EVC2: variants seen among roughly 807,000 people sequenced by gnomAD.
The protein encoded by EVC2 is EvC ciliary complex subunit 2, also known as limbin.
EVC2 carries 148 observed loss-of-function variants against 149.3 expected under a neutral mutation model. That is an observed-to-expected ratio of 0.99 (90% CI 0.87 to 1.14). The LOEUF is 1.14. EVC2 is among the 50% of genes most tolerant of loss of function. The probability of loss-of-function intolerance (pLI) is 0.00; values close to 1 mark genes in which losing one functional copy is unlikely to be tolerated. For synonymous variants in EVC2, 776 were observed against 649.9 expected (o/e 1.19, Z -2.95); for missense variants, 1,854 against 1,627.3 (o/e 1.14, Z -2.40).
chr4:5,696,980 T>C lies in EVC2; in HGVS notation c.283+613A>G, dbSNP rs745721629. ...CCCTAAATGTCATCACAGATGTCCT[T>C]ATAAGAGGGAGACAGAGATTTGACA... On this transcript the variant is annotated intron_variant, in intron 2 of 21. Transcript: ENST00000344408. This position sits in a 1 kb window ranked among gnomAD's most constrained non-coding sequence, Gnocchi z 4.1. 2.6e-4 allele frequency among the ~76,000 whole-genome samples: 39 copies of C among 152,174 alleles called. No homozygotes were observed. The highest frequency in any genetic ancestry group is 2.0e-3 in the Admixed American group (30 of 15,278).
At chr4:5,593,326 G>T (rs529937571) in intron 16 of EVC2, among the ~76,000 whole-genome samples, 2 of 152,202 alleles carry the variant, frequency 1.3e-5, no homozygotes, top group African/African-American at 4.8e-5. Flanking sequence ...TCAAGTGTGC[G>T]TTACTTCCTT....
At chr4:5,638,702 AT>A (rs1717077519) in intron 10 of EVC2, among the ~76,000 whole-genome samples, 1 of 152,184 alleles carries the variant, frequency 6.6e-6, no homozygotes, top group South Asian at 2.1e-4. Context: ...TTATGAGATC[AT>A]CCTGGATTAT....
At position 5,665,530 on chromosome 4, in the gene EVC2, C is replaced by T. The variant is rs1308329086; in HGVS notation, c.990G>A (p.Met330Ile). The change falls in exon 8 of 22, where the codon ATG becomes ATA. Residue 330 changes from methionine to isoleucine, a missense_variant. Met to Ile is a conservative substitution (Grantham distance 10). Transcript: ENST00000344408. ...GAAGACTCACCCGATGTCTGGTGAGCATGTTTCCCTTCAGACACTGATAGC... is the reference window on the plus strand; with the variant it reads ...GAAGACTCACCCGATGTCTGGTGAGTATGTTTCCCTTCAGACACTGATAGC... ...MVRYQCLKGN[M>I]LTRHRVWQYE... 6.2e-7 allele frequency: 1 copy of T among 1,614,144 alleles called. No individual in the cohort carries two copies. Among genetic ancestry groups the T allele is most frequent in the Non-Finnish European group, 8.5e-7 (1 of 1,180,018 alleles).
At chr4:5,555,807 G>C (rs1275679910) in intron 21 of EVC2, among the ~76,000 whole-genome samples, 1 of 152,148 alleles carries the variant, frequency 6.6e-6, no homozygotes, top group Non-Finnish European at 1.5e-5. Flanking sequence ...AACAGTTACA[G>C]AATAATCTCT....
intron 7 of EVC2, among the ~76,000 whole-genome samples, chr4:5,674,685 G>A (rs1050407363): frequency 2.6e-5 from 4 of 152,186 alleles, no homozygotes; most frequent in African/African-American, 4.8e-5. Flanking sequence ...AAACCAGAGC[G>A]TAATGGAAAA....
rs114371606 is a variant in EVC2 at position 5,642,540 on chromosome 4, T to C, written c.1146-1702A>G. Among the ~76,000 whole-genome samples, 1,346 of 152,350 alleles carry C rather than the reference T, an allele frequency of 8.8e-3. 12 individuals are homozygous for C. Among genetic ancestry groups the C allele is most frequent in the South Asian group, 0.013 (63 of 4,830 alleles). ...TGGATTACTTGCAAATTACAAAATCTAAAACAATCCTGAAGTGAATCACTT... is the reference window on the plus strand; with the variant it reads ...TGGATTACTTGCAAATTACAAAATCCAAAACAATCCTGAAGTGAATCACTT... On this transcript the variant is annotated intron_variant, in intron 9 of 21. Transcript: ENST00000344408.
intron 9 of EVC2, among the ~76,000 whole-genome samples, chr4:5,662,506 T>G (rs1476653076): frequency 7.0e-6 from 1 of 142,818 alleles, no homozygotes; most frequent in African/African-American, 2.5e-5. Flanking sequence ...TTAAATATAT[T>G]AAATATAATA....
chr4:5,594,096 G>C (rs2108800661), intron 16 of EVC2, among the ~76,000 whole-genome samples: 1 of 152,292 alleles, frequency 6.6e-6, no homozygotes, highest in South Asian at 2.1e-4. Context: ...GCCCACCACA[G>C]CTCAAGCAGG....
downstream of EVC2, among the ~76,000 whole-genome samples, chr4:5,561,044 G>A (rs1440326139): frequency 1.3e-5 from 2 of 152,178 alleles, no homozygotes; most frequent in East Asian, 1.9e-4. Flanking sequence ...GGCACCTCCT[G>A]CTGTTGCTAA....
intron 21 of EVC2, among the ~76,000 whole-genome samples, chr4:5,546,019 A>G (rs1721609767): frequency 6.6e-6 from 1 of 152,184 alleles, no homozygotes; most frequent in Non-Finnish European, 1.5e-5. Flanking sequence ...ATGAGATACC[A>G]TCTCACACCA....
chr4:5,609,828 T>A (rs1195119393), intron 16 of EVC2, among the ~76,000 whole-genome samples: 1 of 152,216 alleles, frequency 6.6e-6, no homozygotes, highest in Non-Finnish European at 1.5e-5. Context: ...GAGCTTCTGC[T>A]TCCCGTGCTG....
At position 5,694,492 on chromosome 4, in the gene EVC2, G is replaced by T. The variant is rs765453270; in HGVS notation, c.293C>A (p.Pro98Gln). The T allele has an allele frequency of 6.2e-7, 1 of 1,614,160 alleles. No homozygotes were observed. The highest frequency in any genetic ancestry group is 2.2e-5 in the East Asian group (1 of 44,882). ...CCHFKTAVEA[P>Q]LGMKLDKKME... Reference sequence around the variant, plus strand: ...TTTCTTGTCCAATTTCATTCCAAGTGGTGCTTCCACTGCAAAACAACAACA... The same window carrying T: ...TTTCTTGTCCAATTTCATTCCAAGTTGTGCTTCCACTGCAAAACAACAACA... The change falls in exon 3 of 22, where the codon CCA becomes CAA. Residue 98 changes from proline to glutamine, a missense_variant. Transcript: ENST00000344408.
chr4:5,595,036 C>T (rs907207206), intron 16 of EVC2, among the ~76,000 whole-genome samples: 51 of 152,166 alleles, frequency 3.4e-4, no homozygotes, highest in African/African-American at 9.9e-4. Context: ...TAAAAAGAAA[C>T]GAACAAAGCC....
the EVC2 span, among the ~76,000 whole-genome samples, chr4:5,536,646 T>A: frequency 3.3e-5 from 5 of 152,026 alleles, no homozygotes; most frequent in Admixed American, 1.3e-4. Flanking sequence ...TAGCTGGGCA[T>A]GGTGGCGGGC....
chr4:5,622,556 A>G lies in EVC2; in HGVS notation c.2482T>C (p.Trp828Arg). 1 of 1,613,954 alleles carries G rather than the reference A, an allele frequency of 6.2e-7. No homozygotes were observed. ...ACTCACATGAAGATCAGGTGCTCCC[A>G]GCGTCGCAGCTCTGCCTGCTCCTCT... ...VTEEQAELRR[W>R]EHLIFMKLCS... The change falls in exon 14 of 22, where the codon TGG becomes CGG. Residue 828 changes from tryptophan (W) to arginine (R), a missense_variant. Transcript: ENST00000344408. This position sits in a 1 kb window ranked among gnomAD's most constrained non-coding sequence, Gnocchi z 5.8.
intron 3 of EVC2, among the ~76,000 whole-genome samples, chr4:5,692,415 T>C (rs929408429): frequency 6.6e-6 from 1 of 152,154 alleles, no homozygotes; most frequent in African/African-American, 2.4e-5. Flanking sequence ...TCCCATTTTA[T>C]AGATGAGGAA....
At chr4:5,690,073 A>G (rs1490461261) in intron 4 of EVC2, among the ~76,000 whole-genome samples, 1 of 152,262 alleles carries the variant, frequency 6.6e-6, no homozygotes, top group African/African-American at 2.4e-5. Context: ...TGTGTGTAAT[A>G]TACTGCCACC....
Position 5,618,714 on chromosome 4 carries a change from A to G in EVC2, c.2502-32T>C. ...GGAAGAACAGAGACACACTCTTAACACAGAGAAAGCCTGGGGGCTGGGCTG... is the reference window on the plus strand; with the variant it reads ...GGAAGAACAGAGACACACTCTTAACGCAGAGAAAGCCTGGGGGCTGGGCTG... On this transcript the variant is annotated intron_variant, in intron 14 of 21. Transcript: ENST00000344408. This position sits in a 1 kb window ranked among gnomAD's most constrained non-coding sequence, Gnocchi z 4.4. 1.3e-6 allele frequency: 2 copies of G among 1,556,442 alleles called. No homozygotes were observed. Among genetic ancestry groups the G allele is most frequent in the Non-Finnish European group, 1.7e-6 (2 of 1,147,820 alleles).
rs1191337916 is a variant in EVC2, at chr4:5,569,444, T to G, written c.3361-804A>C. Among the ~76,000 whole-genome samples the G allele has an allele frequency of 6.6e-6, 1 of 152,234 alleles. No homozygotes were observed. The highest frequency in any genetic ancestry group is 2.4e-5 in the African/African-American group (1 of 41,462). On this transcript the variant is annotated intron_variant, in intron 19 of 21. Coordinates refer to ENST00000344408, the MANE Select transcript of EVC2 (RefSeq NM_147127.5). This position sits in a 1 kb window ranked among gnomAD's most constrained non-coding sequence, Gnocchi z 4.8. ...CATTGGGGAAAATTGAGTGAAACTC[T>G]CTGAAACTCTATACTAGCTTTGTAA...
Sources: gnomAD v4.1 joint callset for allele counts (sites outside exome capture counted in the v4.1 genomes callset) on GRCh38, gnomAD v4.1.1 for gene constraint, Gnocchi (gnomAD v3.1) non-coding constraint, MANE v1.5 for transcripts, NCBI Gene and HGNC (gene_info 2026-07-23, HGNC 2026-07-21) for gene names.